LCOR: variants seen among roughly 807,000 people sequenced by gnomAD.
LCOR encodes the protein ligand-dependent corepressor.
A neutral mutation model predicts 64.4 loss-of-function variants in LCOR; 14 were observed. That is an observed-to-expected ratio of 0.22 (90% CI 0.14 to 0.34). The LOEUF is 0.34. Ranked by LOEUF, LCOR falls within the 10% of genes least tolerant of loss-of-function variation. The pLI is 1.00. For missense variants in LCOR, 1,686 were observed against 1,765.3 expected, an observed-to-expected ratio of 0.96 and a Z score of 0.80; for synonymous variants, 643 against 642.5, an observed-to-expected ratio of 1.00 and a Z score of -0.01.
chr10:96,947,266 A>G (rs1206227660), intron 5 of LCOR, among the ~76,000 whole-genome samples: 1 of 152,210 alleles, frequency 6.6e-6, no homozygotes, highest in South Asian at 2.1e-4. Context: ...TTAGTGTGAC[A>G]GAAGCGTTAT....
At chr10:96,913,126 G>T (rs1302960222) in intron 4 of LCOR, among the ~76,000 whole-genome samples, 1 of 151,622 alleles carries the variant, frequency 6.6e-6, no homozygotes, top group South Asian at 2.1e-4. Context: ...CCCTGTCCCG[G>T]CCCTGGATTT....
At chr10:96,873,206 C>T (rs999845528) in intron 2 of LCOR, among the ~76,000 whole-genome samples, 1 of 151,988 alleles carries the variant, frequency 6.6e-6, no homozygotes, top group African/African-American at 2.4e-5. Flanking sequence ...GCCATTGGTA[C>T]CATGAAGTAA....
intron 5 of LCOR, among the ~76,000 whole-genome samples, chr10:96,946,427 A>G (rs1194636664): frequency 6.6e-6 from 1 of 152,130 alleles, no homozygotes; most frequent in Non-Finnish European, 1.5e-5. Context: ...CAAGAACAAT[A>G]TACCTTCTAC....
At chr10:96,876,573 C>T (rs571815791) in intron 2 of LCOR, among the ~76,000 whole-genome samples, 2 of 152,242 alleles carry the variant, frequency 1.3e-5, no homozygotes, top group East Asian at 1.9e-4. Context: ...ACATAACTTT[C>T]TGCCATATAT....
chr10:96,839,395 A>G (rs1188889438), intron 2 of LCOR, among the ~76,000 whole-genome samples: 1 of 152,232 alleles, frequency 6.6e-6, no homozygotes, highest in Admixed American at 6.5e-5. Flanking sequence ...GAGCGTAGTA[A>G]TAGAACGAAA....
chr10:96,946,341 G>T (rs980312173), intron 5 of LCOR, among the ~76,000 whole-genome samples: 1 of 151,956 alleles, frequency 6.6e-6, no homozygotes, highest in Non-Finnish European at 1.5e-5. Flanking sequence ...ATTTGTGTAA[G>T]GATTATGTAT....
chr10:96,921,886 T>C (rs1283927518), intron 4 of LCOR, among the ~76,000 whole-genome samples: 6 of 152,264 alleles, frequency 3.9e-5, no homozygotes, highest in Non-Finnish European at 7.3e-5. Flanking sequence ...TCTGAGCGTT[T>C]ATTTCTGGAC....
chr10:96,833,180 C>T (rs765659797), intron 1 of LCOR: 85 of 985,192 alleles, frequency 8.6e-5, no homozygotes, highest in African/African-American at 1.4e-4. Flanking sequence ...CGGGTCCGAC[C>T]GAGGAGCCCC....
At chr10:96,939,967 A>G (rs983625960) in intron 4 of LCOR, among the ~76,000 whole-genome samples, 3 of 152,258 alleles carry the variant, frequency 2.0e-5, no homozygotes, top group African/African-American at 7.2e-5. Context: ...CGTCTCAAAA[A>G]TAAAAGATCA....
At chr10:96,945,295 C>CACT (rs1847568481) in intron 5 of LCOR, among the ~76,000 whole-genome samples, 1 of 152,114 alleles carries the variant, frequency 6.6e-6, no homozygotes, top group South Asian at 2.1e-4. Context: ...TACAGTTGGA[C>CACT]ACTAGCTGGG....
intron 7 of LCOR, among the ~76,000 whole-genome samples, chr10:96,967,131 T>C (rs960646288): frequency 1.3e-5 from 2 of 152,194 alleles, no homozygotes; most frequent in Non-Finnish European, 2.9e-5. Flanking sequence ...GGAGTGATAA[T>C]GGTTTGATAT....
At chr10:96,932,294 GATGGTGCTAGAATTATT>G in intron 4 of LCOR, among the ~76,000 whole-genome samples, 1 of 152,190 alleles carries the variant, frequency 6.6e-6, no homozygotes, top group East Asian at 1.9e-4. Flanking sequence ...TTATTCAGTA[GATGGTGCTAGAATTATT>G]ATTGGTTAAT....
Position 96,984,500 on chromosome 10 carries a change from A to G in LCOR, c.4040A>G (p.Lys1347Arg). 1 of 1,614,236 alleles carries G rather than the reference A, an allele frequency of 6.2e-7. No individual in the cohort carries two copies. Among genetic ancestry groups the G allele is most frequent in the Non-Finnish European group, 8.5e-7 (1 of 1,180,048 alleles). Residue 1347 changes from lysine (K) to arginine (R), a missense_variant, in exon 8 of 8, where the codon AAG becomes AGG. Coordinates refer to ENST00000421806, the MANE Select transcript of LCOR (RefSeq NM_001346516.2). Reference sequence around the variant, plus strand: ...GCTGTGGAAAGTAAGCCAAGTCGTAAGAGCGTATGCATCAACCCTCTGATG... The same window carrying G: ...GCTGTGGAAAGTAAGCCAAGTCGTAGGAGCGTATGCATCAACCCTCTGATG... ...ALAVESKPSR[K>R]SVCINPLMSP...
chr10:96,833,891 T>C (rs1845394081), intron 2 of LCOR, among the ~76,000 whole-genome samples: 1 of 151,492 alleles, frequency 6.6e-6, no homozygotes, highest in Admixed American at 6.6e-5. Flanking sequence ...ACTGATTTAA[T>C]AGACATATCT....
In LCOR at chr10:96,892,773, C is replaced by T. The variant is rs532254631; in HGVS notation, c.-329-14492C>T. ...CTCCATTTCTTTTTTGGTTGCTGTT[C>T]GCATGGGCTTTTTCTTTTCTTTCAC... On this transcript the variant is annotated intron_variant, in intron 2 of 7. Transcript: ENST00000421806. 3.5e-4 allele frequency among the ~76,000 whole-genome samples: 53 copies of T among 152,186 alleles called. 1 individual carries two copies. Among genetic ancestry groups the T allele is most frequent in the African/African-American group, 1.1e-3 (47 of 41,536 alleles).
intron 2 of LCOR, among the ~76,000 whole-genome samples, chr10:96,877,924 TAGG>T (rs1846197711): frequency 6.6e-6 from 1 of 152,294 alleles, no homozygotes; most frequent in East Asian, 1.9e-4. Flanking sequence ...AAATTTATAA[TAGG>T]AGAAGAATGA....
rs1278467627 is a variant in LCOR at position 96,990,409 on chromosome 10, T to A, written c.*5275T>A. 4 of 151,920 alleles carry A rather than the reference T, an allele frequency of 2.6e-5. No homozygotes were observed. The highest frequency in any genetic ancestry group is 5.9e-5 in the Non-Finnish European group (4 of 68,000). The allele number at this position is 151,920 out of a possible 1,614,324, so 9.4% of individuals were successfully genotyped here. ...CAGTTAATTTTTTTTTTTTTTCCAG[T>A]TTTAGCAGAAATGAGGTCTCACTGT... On this transcript the variant is annotated 3_prime_UTR_variant, in exon 8 of 8. Transcript: ENST00000421806.
At chr10:96,863,339 G>A (rs1434464990) in intron 2 of LCOR, among the ~76,000 whole-genome samples, 1 of 150,364 alleles carries the variant, frequency 6.7e-6, no homozygotes, top group African/African-American at 2.5e-5. Context: ...GAGTAGCTGG[G>A]ATTACAGGCA....
chr10:96,884,595 G>T (rs1039107658), intron 2 of LCOR, among the ~76,000 whole-genome samples: 1 of 152,166 alleles, frequency 6.6e-6, no homozygotes, highest in Non-Finnish European at 1.5e-5. Context: ...TGGAAAGCTT[G>T]TTAAAACTAA....
Sources: gnomAD v4.1 joint callset for allele counts (sites outside exome capture counted in the v4.1 genomes callset) on GRCh38, gnomAD v4.1.1 for gene constraint, MANE v1.5 for transcripts, NCBI Gene and HGNC (gene_info 2026-07-23, HGNC 2026-07-21) for gene names.